IGF2R: variants seen among roughly 807,000 people sequenced by gnomAD.
The protein encoded by IGF2R is cation-independent mannose-6-phosphate receptor.
Under a neutral mutation model 270.6 loss-of-function variants are expected in IGF2R, and 91 were observed. The observed-to-expected ratio is 0.34, with a 90% CI of 0.28 to 0.40. The LOEUF (loss-of-function observed/expected upper bound fraction) is 0.40, where lower values mean the gene tolerates loss of function less well. Ranked by LOEUF, IGF2R falls within the 10% of genes least tolerant of loss-of-function variation. The probability of loss-of-function intolerance (pLI) is 1.00; values close to 1 mark genes in which losing one functional copy is unlikely to be tolerated. For missense variants in IGF2R, 2,805 were observed against 3,188.3 expected (o/e 0.88, Z 2.90); for synonymous variants, 1,316 against 1,258.9 (o/e 1.05, Z -0.96).
At chr6:160,015,674 A>G (rs1436702964) in intron 4 of IGF2R, among the ~76,000 whole-genome samples, 1 of 152,180 alleles carries the variant, frequency 6.6e-6, no homozygotes, top group African/African-American at 2.4e-5. Flanking sequence ...CAGTTTCACC[A>G]TCTGAGCACA....
chr6:160,079,748 G>A lies in IGF2R; in HGVS notation c.5647G>A (p.Val1883Ile), dbSNP rs1778936741. ...GGATTACAGGCACCAGGATGAAGCG[G>A]TCGTTTTAAGTTACGTGAATGGTGA... ...KLDYRHQDEA[V>I]VLSYVNGDRC... is the part of the protein sequence containing the mutation. Residue 1883 changes from valine to isoleucine, a missense_variant, in exon 38 of 48, where the codon GTC becomes ATC. Val to Ile is a conservative substitution (Grantham distance 29). This residue lies in a region of IGF2R where 1,851 missense variants were observed against 2,207.2 expected (regional missense o/e 0.84). Transcript: ENST00000356956. 1 of 1,476,532 alleles carries A rather than the reference G, an allele frequency of 6.8e-7. No homozygotes were observed. Among genetic ancestry groups the A allele is most frequent in the Non-Finnish European group, 9.0e-7 (1 of 1,110,958 alleles). 91.5% of individuals were successfully genotyped at this position (1,476,532 alleles called of 1,614,324 possible).
chr6:160,081,328 C>G (rs1778977443), intron 39 of IGF2R, among the ~76,000 whole-genome samples: 2 of 151,946 alleles, frequency 1.3e-5, no homozygotes, highest in African/African-American at 4.8e-5. Context: ...TGTGATGCCC[C>G]CGAGCCGCAA....
In IGF2R at chr6:160,084,570, C is replaced by A. The variant is rs1779057120; in HGVS notation, c.6068+386C>A. On this transcript the variant is annotated intron_variant, in intron 40 of 47. Transcript: ENST00000356956. The surrounding 1 kb of genome is among the most constrained non-coding windows in gnomAD (Gnocchi z 4.6). The stretch of plus-strand genomic sequence containing the variant: ...GGCTGGGGTCAGCCCATGGTCCTGA[C>A]CACTCTGCGTGGGGAGCGCCCGCTT... 6.6e-6 allele frequency among the ~76,000 whole-genome samples: 1 copy of A among 152,154 alleles called. No individual in the cohort carries two copies. Among genetic ancestry groups the A allele is most frequent in the African/African-American group, 2.4e-5 (1 of 41,426 alleles).
intron 7 of IGF2R, among the ~76,000 whole-genome samples, chr6:160,029,888 C>T (rs1777657378): frequency 6.6e-6 from 1 of 152,178 alleles, no homozygotes; most frequent in Non-Finnish European, 1.5e-5. Context: ...TACAGCAATC[C>T]GGAGGGGCCT....
chr6:160,107,220 A>AG lies in IGF2R; in HGVS notation c.*2141dup, dbSNP rs1200272252. 1 of 152,210 alleles carries AG rather than the reference A, an allele frequency of 6.6e-6. No homozygotes were observed. Among genetic ancestry groups the AG allele is most frequent in the Non-Finnish European group, 1.5e-5 (1 of 68,040 alleles). 9.4% of individuals were successfully genotyped at this position (152,210 alleles called of 1,614,324 possible). ...ATGCTGGTCCTCAGGCATTCTACCC[A>AG]GGGGGCTGTTCTCCAGGCCATTCCC... On this transcript the variant is annotated 3_prime_UTR_variant, in exon 48 of 48. Transcript: ENST00000356956.
chr6:160,052,548 A>G (rs1778222461), intron 19 of IGF2R, among the ~76,000 whole-genome samples: 1 of 152,190 alleles, frequency 6.6e-6, no homozygotes, highest in Non-Finnish European at 1.5e-5. Context: ...CCATCAAGCT[A>G]CCAATGGTTT....
At position 160,034,435 on chromosome 6, in the gene IGF2R, C is replaced by G; in HGVS notation, c.1228C>G (p.Leu410Val). ...AAAATCTAGATATTCGGATGGAGAC[C>G]TCACCTTGATATATTTTGGAGGTGA... ...NQTLRYSDGD[L>V]TLIYFGGDEC... Residue 410 changes from leucine (L) to valine (V), a missense_variant, in exon 10 of 48, where the codon CTC becomes GTC. Leu to Val is a conservative substitution (Grantham distance 32). Around this residue, in one of 2 missense-constraint regions of IGF2R, gnomAD observed 954 missense variants for 981.1 expected, o/e 0.97. Transcript: ENST00000356956. 6.2e-7 allele frequency: 1 copy of G among 1,601,478 alleles called. No individual in the cohort carries two copies. Among genetic ancestry groups the G allele is most frequent in the Non-Finnish European group, 8.6e-7 (1 of 1,168,972 alleles).
rs1779299134 is a variant in IGF2R at position 160,094,328 on chromosome 6, G to T, written c.6656-2111G>T. 2.3e-5 allele frequency: 6 copies of T among 262,242 alleles called. No individual in the cohort carries two copies. The South Asian group carries it at 2.7e-4, about 12-fold the overall frequency. The allele number at this position is 262,242 out of a possible 1,614,324, so 16.2% of individuals were successfully genotyped here. ...GATAGGGAATCCTGCCGAGGAACAA[G>T]CCAGCAAAGCTCTTTCACTGGATGT... On this transcript the variant is annotated intron_variant, in intron 44 of 47. Transcript: ENST00000356956.
At chr6:160,007,563 T>C (rs1309624534) in intron 2 of IGF2R, 1 of 152,244 alleles carries the variant, frequency 6.6e-6, no homozygotes, top group African/African-American at 2.4e-5. Flanking sequence ...GTGTGTGACC[T>C]AGATTAGAAT....
intron 41 of IGF2R, among the ~76,000 whole-genome samples, chr6:160,086,385 C>T (rs1377228617): frequency 1.3e-5 from 2 of 152,200 alleles, no homozygotes; most frequent in Non-Finnish European, 2.9e-5. Context: ...AACCACGGTG[C>T]CCCCATTGTC....
At chr6:159,999,866 A>G (rs981135077) in intron 2 of IGF2R, among the ~76,000 whole-genome samples, 7 of 152,254 alleles carry the variant, frequency 4.6e-5, no homozygotes, top group African/African-American at 1.7e-4. Context: ...ACATATAGAT[A>G]TAATCTAGAA....
intron 7 of IGF2R, among the ~76,000 whole-genome samples, chr6:160,030,916 C>G (rs1777682005): frequency 6.6e-6 from 1 of 151,912 alleles, no homozygotes. Context: ...CTCCGCCTCC[C>G]TAGTTCAAGC....
At chr6:159,999,293 T>G (rs6902099) in intron 2 of IGF2R, among the ~76,000 whole-genome samples, 29,611 of 152,136 alleles carry the variant, frequency 0.19, 3,547 homozygotes, top group East Asian at 0.57. Context: ...GAACAGTAGA[T>G]AAACTGGAAA....
Position 160,045,760 on chromosome 6 carries a change from C to T in IGF2R, c.1781C>T (p.Ala594Val). 6.2e-7 allele frequency: 1 copy of T among 1,614,108 alleles called. No homozygotes were observed. The highest frequency in any genetic ancestry group is 8.5e-7 in the Non-Finnish European group (1 of 1,179,988). ...CCATTGACAGGTGATCTGGAAAGTGCACCAGTGTTGAGAACTTCTGGGGAA... is the reference window on the plus strand; with the variant it reads ...CCATTGACAGGTGATCTGGAAAGTGTACCAGTGTTGAGAACTTCTGGGGAA... ...LVCKPGDLES[A>V]PVLRTSGEGG... is the part of the protein sequence containing the mutation. Residue 594 changes from alanine to valine, a missense_variant, in exon 14 of 48, where the codon GCA becomes GTA. Physicochemically the swap from Ala to Val is moderately conservative, Grantham distance 64. Coordinates refer to ENST00000356956, the MANE Select transcript of IGF2R (RefSeq NM_000876.4).
At chr6:160,100,723 CCTTTTT>C (rs1779466089) in intron 45 of IGF2R, among the ~76,000 whole-genome samples, 1 of 43,432 alleles carries the variant, frequency 2.3e-5, no homozygotes, top group Admixed American at 2.9e-4. Flanking sequence ...CAGCAATTTC[CCTTTTT>C]TTTTTTTTTT....
At chr6:160,037,731 T>A (rs1777858821) in intron 10 of IGF2R, among the ~76,000 whole-genome samples, 1 of 152,036 alleles carries the variant, frequency 6.6e-6, no homozygotes, top group African/African-American at 2.4e-5. Flanking sequence ...ACAATTTAAG[T>A]GGCTCAGCCC....
rs1377000985 is a variant in IGF2R, at chr6:160,058,031, T to C, written c.2805T>C (p.Ser935=). ...CATTTTGTTTCCTGTAGGCTTGCTC[T>C]ATAAGGGATCCCAACAGTGGATTTG... ...QTTTDTDQAC[S]IRDPNSGFVF... is the part of the protein sequence containing the mutation. Residue 935 remains serine, a synonymous_variant, in exon 21 of 48, where the codon TCT becomes TCC. Coordinates refer to ENST00000356956, the MANE Select transcript of IGF2R (RefSeq NM_000876.4). The C allele has an allele frequency of 6.2e-7, 1 of 1,611,952 alleles. No individual in the cohort carries two copies. Among genetic ancestry groups the C allele is most frequent in the Non-Finnish European group, 8.5e-7 (1 of 1,177,992 alleles).
At chr6:160,076,081 C>A in intron 36 of IGF2R, 85 bp downstream of exon 36, 2 of 1,273,968 alleles carry the variant, frequency 1.6e-6, no homozygotes, top group Non-Finnish European at 2.3e-6. Flanking sequence ...GTGTCAGGTC[C>A]AAGGATACTC....
chr6:159,972,175 C>T (rs1211881916), intron 1 of IGF2R, among the ~76,000 whole-genome samples: 1 of 151,960 alleles, frequency 6.6e-6, no homozygotes, highest in Non-Finnish European at 1.5e-5. Flanking sequence ...GTGTTAAGCT[C>T]CATTTTAATT....
Sources: allele counts gnomAD v4.1 joint callset (sites outside exome capture counted in the v4.1 genomes callset), GRCh38; gene constraint gnomAD v4.1.1; regional missense constraint gnomAD v4.1.1; non-coding constraint Gnocchi (gnomAD v3.1); transcripts MANE v1.5; gene names NCBI Gene and HGNC (gene_info 2026-07-23, HGNC 2026-07-21).